PTPRD: variants seen among roughly 807,000 people sequenced by gnomAD.
PTPRD encodes the protein protein tyrosine phosphatase receptor type D.
A neutral mutation model predicts 214.5 loss-of-function variants in PTPRD; 34 were observed. The observed-to-expected ratio is 0.16, with a 90% confidence interval of 0.12 to 0.21. The LOEUF (loss-of-function observed/expected upper bound fraction) is 0.21. Ranked by LOEUF, PTPRD falls within the 10% of genes least tolerant of loss-of-function variation. The pLI is 1.00. For synonymous variants in PTPRD, 1,128 were observed against 845.7 expected, an observed-to-expected ratio of 1.33 and a Z score of -5.79; for missense variants, 2,545 against 2,398.7, an observed-to-expected ratio of 1.06 and a Z score of -1.27.
chr9:8,934,502 TATAA>T (rs199684579), intron 11 of PTPRD, among the ~76,000 whole-genome samples: 805 of 24,402 alleles, frequency 0.033, 60 homozygotes, highest in Middle Eastern at 0.062. Context: ...TAAATATATA[TATAA>T]ATATATATAT....
chr9:9,408,950 T>G (rs1195379850), intron 8 of PTPRD, among the ~76,000 whole-genome samples: 1 of 151,916 alleles, frequency 6.6e-6, no homozygotes, highest in Non-Finnish European at 1.5e-5. Context: ...TGCAATGTAT[T>G]GCAAAATATA....
intron 8 of PTPRD, among the ~76,000 whole-genome samples, chr9:9,460,280 A>G (rs1328338443): frequency 6.6e-6 from 1 of 152,122 alleles, no homozygotes; most frequent in African/African-American, 2.4e-5. Context: ...ACATTGACCC[A>G]GGTAAAGAAT....
intron 7 of PTPRD, among the ~76,000 whole-genome samples, chr9:9,698,778 C>T (rs182194866): frequency 4.6e-5 from 7 of 152,206 alleles, no homozygotes; most frequent in Admixed American, 3.9e-4. Flanking sequence ...CCATAAGTCT[C>T]GGAGAAATTT....
chr9:9,318,851 A>G (rs1195583664), intron 9 of PTPRD, among the ~76,000 whole-genome samples: 1 of 152,176 alleles, frequency 6.6e-6, no homozygotes, highest in Non-Finnish European at 1.5e-5. Flanking sequence ...AATGATAATC[A>G]AAGTGGATAA....
In PTPRD at chr9:8,873,894, G is replaced by A. The variant is rs145879143; in HGVS notation, c.-103-139948C>T. Reference sequence around the variant, plus strand: ...ACTGACAGGCTGTCCCATGTGAATAGTAATGGTGCATTTGTGCACCATTTT... The same window carrying A: ...ACTGACAGGCTGTCCCATGTGAATAATAATGGTGCATTTGTGCACCATTTT... On this transcript the variant is annotated intron_variant, in intron 11 of 45. Coordinates refer to ENST00000381196, the MANE Select transcript of PTPRD (RefSeq NM_002839.4). 3.2e-3 allele frequency among the ~76,000 whole-genome samples: 491 copies of A among 152,240 alleles called. 1 individual carries two copies. Among genetic ancestry groups the A allele is most frequent in the Non-Finnish European group, 4.9e-3 (331 of 68,018 alleles).
chr9:9,912,336 T>C lies in PTPRD; in HGVS notation c.-368+26171A>G, dbSNP rs1040059144. ...TACAGCATACAAACTAAAACATTTG[T>C]CCAAAATTTAGAGTCAACTCATTTA... On this transcript the variant is annotated intron_variant, in intron 5 of 45. Coordinates refer to ENST00000381196, the MANE Select transcript of PTPRD (RefSeq NM_002839.4). Among the ~76,000 whole-genome samples the C allele has an allele frequency of 6.0e-4, 92 of 152,164 alleles. 1 individual carries two copies. Among genetic ancestry groups the C allele is most frequent in the Admixed American group, 5.6e-3 (85 of 15,268 alleles).
Position 8,605,584 on chromosome 9 carries a change from T to G in PTPRD, c.352+27733A>C, listed in dbSNP as rs1684449637. ...TACTGTGAGTCTTTAGGCAAGTTACTAAGCCTCTGGAAGCCTCCATCTCTA... is the reference window on the plus strand; with the variant it reads ...TACTGTGAGTCTTTAGGCAAGTTACGAAGCCTCTGGAAGCCTCCATCTCTA... On this transcript the variant is annotated intron_variant, in intron 14 of 45. Coordinates refer to ENST00000381196, the MANE Select transcript of PTPRD (RefSeq NM_002839.4). Among the ~76,000 whole-genome samples, 3 of 152,236 alleles carry G rather than the reference T, an allele frequency of 2.0e-5. No individual in the cohort carries two copies. In the South Asian group the frequency reaches 6.2e-4, roughly 31 times the overall value.
intron 2 of PTPRD, among the ~76,000 whole-genome samples, chr9:10,342,066 T>C (rs930995726): frequency 2.6e-5 from 4 of 152,042 alleles, no homozygotes; most frequent in Admixed American, 1.3e-4. Context: ...ATTAAAGGGA[T>C]AGCACTTGAT....
At position 9,850,280 on chromosome 9, in the gene PTPRD, C is replaced by T. The variant is rs1378779980; in HGVS notation, c.-367-83429G>A. Among the ~76,000 whole-genome samples the T allele has an allele frequency of 4.6e-5, 7 of 152,148 alleles. No individual in the cohort carries two copies. The East Asian group carries it at 1.2e-3, about 25-fold the overall frequency. Reference sequence around the variant, plus strand: ...ATTCTAAACTTGAGGCTTGGGAGATCAGAAGTCATGCTGGAGACAGGAAAG... The same window carrying T: ...ATTCTAAACTTGAGGCTTGGGAGATTAGAAGTCATGCTGGAGACAGGAAAG... On this transcript the variant is annotated intron_variant, in intron 5 of 45. Transcript: ENST00000381196.
intron 12 of PTPRD, among the ~76,000 whole-genome samples, chr9:8,709,920 C>T (rs559871473): frequency 5.3e-4 from 81 of 152,264 alleles, no homozygotes; most frequent in African/African-American, 1.7e-3. Context: ...AGCATGTGAT[C>T]TCTGAAGTCA....
chr9:8,477,110 T>A (rs1249026085), intron 30 of PTPRD, among the ~76,000 whole-genome samples: 2 of 151,186 alleles, frequency 1.3e-5, no homozygotes, highest in Admixed American at 1.3e-4. Flanking sequence ...CTGAAAGAAC[T>A]TGCTTGAAAT....
At chr9:9,882,363 T>C (rs1375502778) in intron 5 of PTPRD, among the ~76,000 whole-genome samples, 1 of 152,136 alleles carries the variant, frequency 6.6e-6, no homozygotes, top group Non-Finnish European at 1.5e-5. Flanking sequence ...CTGTTTCATA[T>C]ACCATTTATA....
chr9:9,360,878 G>C (rs995682796), intron 9 of PTPRD, among the ~76,000 whole-genome samples: 2 of 151,024 alleles, frequency 1.3e-5, no homozygotes, highest in Admixed American at 1.3e-4. Context: ...TTCACTTGGT[G>C]ACAGGGAAAT....
At chr9:9,382,932 A>T (rs1443902728) in intron 9 of PTPRD, among the ~76,000 whole-genome samples, 1 of 152,088 alleles carries the variant, frequency 6.6e-6, no homozygotes, top group African/African-American at 2.4e-5. Flanking sequence ...AAATGGATAA[A>T]TGAAAATGTT....
chr9:10,048,162 G>C (rs948686231), intron 3 of PTPRD, among the ~76,000 whole-genome samples: 5 of 152,150 alleles, frequency 3.3e-5, no homozygotes, highest in African/African-American at 4.8e-5. Context: ...CTAGCATCTA[G>C]CAGGGACTAG....
At chr9:9,845,059 AATATATATATATATATTGCTCTAT>A (rs1306966846) in intron 5 of PTPRD, among the ~76,000 whole-genome samples, 3 of 96,724 alleles carry the variant, frequency 3.1e-5, no homozygotes, top group Non-Finnish European at 4.0e-5. Flanking sequence ...TATATAGAGC[AATATATATATATATATTGCTCTAT>A]ATATATAGCT....
intron 11 of PTPRD, among the ~76,000 whole-genome samples, chr9:8,993,248 C>A (rs557861824): frequency 6.6e-6 from 1 of 152,124 alleles, no homozygotes; most frequent in East Asian, 1.9e-4. Context: ...AGCTGTGAGC[C>A]CCAGGACAGG....
chr9:8,702,959 G>C (rs1276811785), intron 12 of PTPRD, among the ~76,000 whole-genome samples: 3 of 152,184 alleles, frequency 2.0e-5, no homozygotes, highest in African/African-American at 7.2e-5. Context: ...AGGACATTTT[G>C]GGGAGAGTTA....
At chr9:9,808,571 C>T (rs1215371477) in intron 5 of PTPRD, among the ~76,000 whole-genome samples, 1 of 152,074 alleles carries the variant, frequency 6.6e-6, no homozygotes, top group Non-Finnish European at 1.5e-5. Flanking sequence ...TATAATAAGA[C>T]CATCGTTGTT....
Sources: gnomAD v4.1 joint callset for allele counts (sites outside exome capture counted in the v4.1 genomes callset) on GRCh38, gnomAD v4.1.1 for gene constraint, MANE v1.5 for transcripts, NCBI Gene and HGNC (gene_info 2026-07-23, HGNC 2026-07-21) for gene names.